Variants in TRPM6 observed in about 807,000 individuals in gnomAD.
TRPM6 encodes channel kinase 2.
A neutral mutation model predicts 247.6 loss-of-function variants in TRPM6; 111 were observed. That is an observed-to-expected ratio of 0.45 (90% CI 0.38 to 0.52). The LOEUF (loss-of-function observed/expected upper bound fraction) is 0.52. Ranked by LOEUF, TRPM6 falls within the 20% of genes least tolerant of loss-of-function variation. TRPM6 has a pLI of 0.00. For synonymous variants in TRPM6, 892 were observed against 853.8 expected (o/e 1.04, Z -0.78); for missense variants, 2,126 against 2,421.5 (o/e 0.88, Z 2.56).
intron 20 of TRPM6, among the ~76,000 whole-genome samples, chr9:74,786,632 C>T (rs1015937321): frequency 2.0e-5 from 3 of 152,066 alleles, no homozygotes; most frequent in Non-Finnish European, 1.5e-5. Context: ...CCCAGCTACT[C>T]GGGAGTCTGA....
intron 25 of TRPM6, among the ~76,000 whole-genome samples, chr9:74,767,355 G>C (rs967219359): frequency 2.0e-5 from 3 of 152,180 alleles, no homozygotes; most frequent in African/African-American, 7.2e-5. Flanking sequence ...AATCAAAAAA[G>C]AAGTTAGAGT....
intron 1 of TRPM6, among the ~76,000 whole-genome samples, chr9:74,876,272 C>G (rs1371738723): frequency 6.6e-6 from 1 of 152,102 alleles, no homozygotes; most frequent in African/African-American, 2.4e-5. Flanking sequence ...TTAGTAGAGA[C>G]GGGGTTTCAT....
chr9:74,790,779 T>A (rs1318806493), intron 19 of TRPM6, among the ~76,000 whole-genome samples: 2 of 152,172 alleles, frequency 1.3e-5, no homozygotes, highest in Non-Finnish European at 2.9e-5. Context: ...AGCAAAAGAC[T>A]ACAAACATAT....
chr9:74,826,213 G>C (rs974381609), intron 7 of TRPM6, among the ~76,000 whole-genome samples: 2 of 152,222 alleles, frequency 1.3e-5, no homozygotes, highest in African/African-American at 4.8e-5. Context: ...GTTAGACGTA[G>C]ATAGTTCTTT....
At chr9:74,801,876 G>A (rs746262702) in intron 16 of TRPM6, 22 bp downstream of exon 16, 1 of 1,613,172 alleles carries the variant, frequency 6.2e-7, no homozygotes, top group South Asian at 1.1e-5. Flanking sequence ...TGTTTAGTAT[G>A]AAGTGAAGAG....
intron 29 of TRPM6, among the ~76,000 whole-genome samples, chr9:74,751,418 A>G (rs1462454656): frequency 6.6e-6 from 1 of 152,214 alleles, no homozygotes; most frequent in Admixed American, 6.5e-5. Flanking sequence ...GAATTTGAAC[A>G]CAGGTCCCTG....
chr9:74,739,746 T>C lies in TRPM6; in HGVS notation c.5464A>G (p.Thr1822Ala), dbSNP rs1825802249. ...RTWHKIFQES[T>A]VLHLCLREIQ... ...ACCCTGAGGCAAAGATGAAGCACAG[T>C]GCTCTCCTGGAAGATTTTATGCCAT... Residue 1822 changes from threonine to alanine, a missense_variant, in exon 34 of 39, where the codon ACT becomes GCT. Physicochemically the swap from Thr to Ala is moderately conservative, Grantham distance 58. Around this residue, in one of 3 missense-constraint regions of TRPM6, gnomAD observed 327 missense variants for 397.7 expected, o/e 0.82. Coordinates refer to ENST00000360774, the MANE Select transcript of TRPM6 (RefSeq NM_017662.5). 6.2e-7 allele frequency: 1 copy of C among 1,613,374 alleles called. No individual in the cohort carries two copies.
At chr9:74,869,812 G>A (rs968269163) in intron 1 of TRPM6, among the ~76,000 whole-genome samples, 5 of 151,342 alleles carry the variant, frequency 3.3e-5, no homozygotes, top group Non-Finnish European at 7.4e-5. Context: ...CGGTGGGGAG[G>A]GAAGGAAGGA....
At chr9:74,750,472 T>C (rs910966932) in intron 30 of TRPM6, among the ~76,000 whole-genome samples, 192 bp downstream of exon 30, 1 of 152,208 alleles carries the variant, frequency 6.6e-6, no homozygotes, top group African/African-American at 2.4e-5. Context: ...GGAACTCAGG[T>C]GAGATCTTGT....
intron 1 of TRPM6, among the ~76,000 whole-genome samples, chr9:74,887,023 C>T (rs1831552108): frequency 6.6e-6 from 1 of 152,158 alleles, no homozygotes; most frequent in Admixed American, 6.5e-5. Context: ...TAGGCGAGAC[C>T]AAGAAATTAC....
chr9:74,759,438 T>A (rs1043106555), intron 27 of TRPM6, among the ~76,000 whole-genome samples: 8 of 152,184 alleles, frequency 5.3e-5, no homozygotes, highest in Admixed American at 4.6e-4. Context: ...GGTCAATTAA[T>A]TTTTGACAAA....
chr9:74,793,066 G>C (rs1303127197), intron 18 of TRPM6, among the ~76,000 whole-genome samples: 1 of 152,064 alleles, frequency 6.6e-6, no homozygotes, highest in African/African-American at 2.4e-5. Context: ...CTGAGCAAAA[G>C]AATCGCTTGA....
intron 1 of TRPM6, among the ~76,000 whole-genome samples, chr9:74,863,185 T>C (rs961800709): frequency 6.6e-6 from 1 of 151,618 alleles, no homozygotes; most frequent in African/African-American, 2.4e-5. Flanking sequence ...TAGCTGGGAT[T>C]ACAGGTTCCT....
Position 74,775,863 on chromosome 9 carries a change from C to T in TRPM6, c.3403+20G>A. 1 of 1,613,392 alleles carries T rather than the reference C, an allele frequency of 6.2e-7. No homozygotes were observed. Among genetic ancestry groups the T allele is most frequent in the East Asian group, 2.2e-5 (1 of 44,852 alleles). On this transcript the variant is annotated intron_variant, in intron 24 of 38. Coordinates refer to ENST00000360774, the MANE Select transcript of TRPM6 (RefSeq NM_017662.5). ...CCTACTTTTTGCTCTCTTTCTCCTG[C>T]CTCACATAGAACAACTTACTTAATC...
intron 37 of TRPM6, 152 bp from the exon 38 acceptor site, chr9:74,728,497 A>T: frequency 1.5e-6 from 1 of 667,282 alleles, no homozygotes; most frequent in Non-Finnish European, 2.7e-6. Context: ...CAACAATGTT[A>T]GGTTTGCAAA....
At chr9:74,813,665 G>A (rs924517960) in intron 11 of TRPM6, among the ~76,000 whole-genome samples, 3 of 152,144 alleles carry the variant, frequency 2.0e-5, no homozygotes, top group African/African-American at 7.2e-5. Context: ...TTTCCAAAGA[G>A]TTTTTTATCC....
At position 74,724,281 on chromosome 9, in the gene TRPM6, C is replaced by A. The variant is rs1825241587; in HGVS notation, c.*332G>T. 5 of 388,098 alleles carry A rather than the reference C, an allele frequency of 1.3e-5. No homozygotes were observed. Among genetic ancestry groups the A allele is most frequent in the South Asian group, 7.5e-5 (3 of 40,056 alleles). The allele number at this position is 388,098 out of a possible 1,614,324, so 24.0% of individuals were successfully genotyped here. A position where few individuals can be genotyped will look rare whatever the true frequency, so the allele number is the denominator to read the frequency against. On this transcript the variant is annotated 3_prime_UTR_variant, in exon 39 of 39. Transcript: ENST00000360774. The stretch of plus-strand genomic sequence containing the variant: ...ATAAAATAAATGTATCCCCCCCAAC[C>A]CCATCCTTTAATGTGCAGGATTCTG...
At chr9:74,752,456 G>T in intron 28 of TRPM6, 88 bp from the exon 29 acceptor site, 1 of 751,860 alleles carries the variant, frequency 1.3e-6, no homozygotes, top group Non-Finnish European at 2.2e-6. Context: ...TCTGAACACA[G>T]TACATTCATT....
chr9:74,856,940 C>T (rs1266055229), intron 2 of TRPM6, among the ~76,000 whole-genome samples: 1 of 152,146 alleles, frequency 6.6e-6, no homozygotes, highest in East Asian at 1.9e-4. Context: ...GCTAAAAGTA[C>T]ATCATGCCTT....
Sources: gnomAD v4.1 joint callset for allele counts (sites outside exome capture counted in the v4.1 genomes callset) on GRCh38, gnomAD v4.1.1 for gene constraint, gnomAD v4.1.1 regional missense constraint, MANE v1.5 for transcripts, NCBI Gene and HGNC (gene_info 2026-07-23, HGNC 2026-07-21) for gene names.